Variants in TMEM144 observed in about 807,000 individuals in gnomAD.
TMEM144 encodes transmembrane protein 144.
Under a neutral mutation model 43.6 loss-of-function variants are expected in TMEM144, and 39 were observed. The observed-to-expected ratio is 0.90, with a 90% confidence interval of 0.69 to 1.17. The LOEUF (loss-of-function observed/expected upper bound fraction) is 1.17, where lower values mean the gene tolerates loss of function less well. Among genes scored for constraint, TMEM144 ranks in the 50% most tolerant of loss-of-function variants. The pLI, the probability that TMEM144 is intolerant of heterozygous loss-of-function variation, is 0.00. For synonymous variants in TMEM144, 154 were observed against 133.6 expected, an observed-to-expected ratio of 1.15 and a Z score of -1.06; for missense variants, 417 against 411.9, an observed-to-expected ratio of 1.01 and a Z score of -0.11.
rs577612717 is a variant in TMEM144 at position 158,228,251 on chromosome 4, T to C, written c.414-4650T>C. Among the ~76,000 whole-genome samples the C allele has an allele frequency of 8.6e-5, 13 of 150,364 alleles. 1 individual carries two copies. The East Asian group carries it at 2.4e-3, about 27-fold the overall frequency. ...AGTCCTGTCAAGTAATCAAACCAAG[T>C]CAAAACCAAAACCAAAATCAAAGTG... is the stretch of plus-strand genomic sequence containing the variant. On this transcript the variant is annotated intron_variant, in intron 6 of 12. Coordinates refer to ENST00000296529, the MANE Select transcript of TMEM144 (RefSeq NM_018342.5).
chr4:158,237,712 T>G lies in TMEM144; in HGVS notation c.682+69T>G, dbSNP rs554598731. On this transcript the variant is annotated intron_variant, in intron 9 of 12. Transcript: ENST00000296529. ...ATGAATATAAAAAGAATTGTGATAA[T>G]AGTAAATATTGATGGGTCGATTCGA... 2.7e-6 allele frequency: 3 copies of G among 1,091,442 alleles called. No homozygotes were observed. The African/African-American group carries it at 4.8e-5, about 17-fold the overall frequency. 67.6% of individuals were successfully genotyped at this position (1,091,442 alleles called of 1,614,324 possible). A position where few individuals can be genotyped will look rare whatever the true frequency, so the allele number is the denominator to read the frequency against.
At chr4:158,250,486 G>C (rs1422970741) in intron 12 of TMEM144, among the ~76,000 whole-genome samples, 1 of 152,146 alleles carries the variant, frequency 6.6e-6, no homozygotes, top group Non-Finnish European at 1.5e-5. Flanking sequence ...AGCCAGGAGA[G>C]CCACGTGTTC....
intron 5 of TMEM144, 54 bp from the exon 6 acceptor site, chr4:158,219,256 T>C (rs1242448656): frequency 6.3e-7 from 1 of 1,582,380 alleles, no homozygotes; most frequent in Non-Finnish European, 8.7e-7. Context: ...CCTTAAACAT[T>C]ATGGTGAAAC....
At chr4:158,228,597 G>A (rs1734896937) in intron 6 of TMEM144, among the ~76,000 whole-genome samples, 1 of 152,154 alleles carries the variant, frequency 6.6e-6, no homozygotes, top group Non-Finnish European at 1.5e-5. Context: ...ATCCCACCGG[G>A]GCAAATGCCT....
In TMEM144 at chr4:158,237,539, C is replaced by T. The variant is rs1735412675; in HGVS notation, c.578C>T (p.Ala193Val). 1 of 1,612,636 alleles carries T rather than the reference C, an allele frequency of 6.2e-7. No homozygotes were observed. Among genetic ancestry groups the T allele is most frequent in the South Asian group, 1.1e-5 (1 of 90,884 alleles). The change falls in exon 9 of 13, where the codon GCA becomes GTA. Residue 193 changes from alanine to valine, a missense_variant. Transcript: ENST00000296529. ...TGTTTTGTAAGGGGCTGCAGTCTTGCAGTGATATCTGGAGTACTCTATGGA... is the reference window on the plus strand; with the variant it reads ...TGTTTTGTAAGGGGCTGCAGTCTTGTAGTGATATCTGGAGTACTCTATGGA... ...VHHRIVGCSLAVISGVLYGST... is the reference protein window; with the variant it reads ...VHHRIVGCSLVVISGVLYGST...
rs1298067978 is a variant in TMEM144, at chr4:158,253,601, GAA to G, written c.*77_*78del. 7 of 1,251,400 alleles carry G rather than the reference GAA, an allele frequency of 5.6e-6. No homozygotes were observed. The highest frequency in any genetic ancestry group is 3.0e-5 in the African/African-American group (2 of 66,710). The allele number at this position is 1,251,400 out of a possible 1,614,324, so 77.5% of individuals were successfully genotyped here. On this transcript the variant is annotated 3_prime_UTR_variant, in exon 13 of 13. Coordinates refer to ENST00000296529, the MANE Select transcript of TMEM144 (RefSeq NM_018342.5). ...TCGGACAGCGGAGAGATCATGCTGAGAAAAGAGTGCATTTTCATATAGCAAAT... is the reference window on the plus strand; with the variant it reads ...TCGGACAGCGGAGAGATCATGCTGAGAAGAGTGCATTTTCATATAGCAAAT...
chr4:158,245,100 C>G (rs764975314), intron 12 of TMEM144, among the ~76,000 whole-genome samples: 4 of 152,002 alleles, frequency 2.6e-5, no homozygotes, highest in Non-Finnish European at 5.9e-5. Context: ...ACCTCCATGT[C>G]AAACCAGCAA....
intron 3 of TMEM144, chr4:158,213,200 T>C: frequency 5.1e-6 from 1 of 195,218 alleles, no homozygotes; most frequent in Non-Finnish European, 1.0e-5. Flanking sequence ...CCTAGATGAA[T>C]AAAGATGTGT....
At position 158,240,341 on chromosome 4, in the gene TMEM144, C is replaced by G. The variant is rs145240920; in HGVS notation, c.725C>G (p.Thr242Arg). Residue 242 changes from threonine (T) to arginine (R), a missense_variant, in exon 10 of 13, where the codon ACA becomes AGA. By Grantham distance (71) the Thr-to-Arg change is moderately conservative. Coordinates refer to ENST00000296529, the MANE Select transcript of TMEM144 (RefSeq NM_018342.5). ...GCGCACTTCAGTGGCATCTTTCTTA[C>G]AAGTACTGTCTACTTTCTGGCCTAC... ...VFAHFSGIFL[T>R]STVYFLAYCI... 5.6e-6 allele frequency: 9 copies of G among 1,613,732 alleles called. No homozygotes were observed. Among genetic ancestry groups the G allele is most frequent in the Non-Finnish European group, 7.6e-6 (9 of 1,179,920 alleles).
chr4:158,212,931 A>T, intron 3 of TMEM144, 155 bp downstream of exon 3: 1 of 674,704 alleles, frequency 1.5e-6, no homozygotes, highest in Non-Finnish European at 2.6e-6. Context: ...TGCTCATACC[A>T]GTTTGTCTGA....
At chr4:158,234,277 T>C (rs1311072126) in intron 7 of TMEM144, 4 of 151,936 alleles carry the variant, frequency 2.6e-5, no homozygotes, top group Admixed American at 2.0e-4. Context: ...ATGCCCGTAA[T>C]CCCAGCACTG....
chr4:158,245,561 T>C (rs1252273129), intron 12 of TMEM144, among the ~76,000 whole-genome samples: 1 of 152,102 alleles, frequency 6.6e-6, no homozygotes, highest in Non-Finnish European at 1.5e-5. Context: ...AGTAAAGTGC[T>C]AAAAACACTA....
At chr4:158,241,302 G>A (rs1735624857) in intron 10 of TMEM144, among the ~76,000 whole-genome samples, 1 of 152,100 alleles carries the variant, frequency 6.6e-6, no homozygotes, top group African/African-American at 2.4e-5. Context: ...TAATGTGAAA[G>A]CATTGATCAC....
chr4:158,230,105 G>C (rs557645319), intron 6 of TMEM144, among the ~76,000 whole-genome samples: 256 of 152,340 alleles, frequency 1.7e-3, no homozygotes, highest in Non-Finnish European at 2.9e-3. Flanking sequence ...GGGACCCTAG[G>C]CCCCAGTGGC....
chr4:158,240,307 T>A lies in TMEM144; in HGVS notation c.691T>A (p.Tyr231Asn), dbSNP rs534769639. ...TTAATGTCTATTTTCAGATTTAGAC[T>A]ATGTGTTTGCGCACTTCAGTGGCAT... ...YAGASQYDLD[Y>N]VFAHFSGIFL... Residue 231 changes from tyrosine to asparagine, a missense_variant, in exon 10 of 13, where the codon TAT becomes AAT. Transcript: ENST00000296529. 1.9e-6 allele frequency: 3 copies of A among 1,611,008 alleles called. No homozygotes were observed. The highest frequency in any genetic ancestry group is 2.5e-6 in the Non-Finnish European group (3 of 1,179,168).
intron 3 of TMEM144, 73 bp from the exon 4 acceptor site, chr4:158,215,118 C>G: frequency 6.3e-7 from 1 of 1,588,304 alleles, no homozygotes; most frequent in South Asian, 1.1e-5. Flanking sequence ...GTAATATCAC[C>G]TCATAGATAT....
intron 12 of TMEM144, among the ~76,000 whole-genome samples, chr4:158,253,139 T>C (rs1736294027): frequency 6.6e-6 from 1 of 152,234 alleles, no homozygotes; most frequent in Non-Finnish European, 1.5e-5. Context: ...GTTTGCTTTA[T>C]TATTAACACC....
intron 6 of TMEM144, among the ~76,000 whole-genome samples, chr4:158,222,123 C>CG (rs76967514): frequency 0.34 from 50,995 of 151,944 alleles, 10,423 homozygotes; most frequent in African/African-American, 0.58. Context: ...TGCTTTCCCT[C>CG]GTCCCATCCT....
At position 158,233,041 on chromosome 4, in the gene TMEM144, T is replaced by C. The variant is rs746726368; in HGVS notation, c.495+59T>C. The C allele has an allele frequency of 1.5e-5, 19 of 1,306,922 alleles. No individual in the cohort carries two copies. The Middle Eastern group carries it at 5.6e-4, about 39-fold the overall frequency. 81.0% of individuals were successfully genotyped at this position (1,306,922 alleles called of 1,614,324 possible). On this transcript the variant is annotated intron_variant, in intron 7 of 12. Coordinates refer to ENST00000296529, the MANE Select transcript of TMEM144 (RefSeq NM_018342.5). The stretch of plus-strand genomic sequence containing the variant: ...ACATAAAATTAAGATAAATGGATAA[T>C]ACATAAATTTTAAACACAGATGAAA...
Sources: gnomAD v4.1 joint callset for allele counts (sites outside exome capture counted in the v4.1 genomes callset) on GRCh38, gnomAD v4.1.1 for gene constraint, MANE v1.5 for transcripts, NCBI Gene and HGNC (gene_info 2026-07-23, HGNC 2026-07-21) for gene names.